Variants in CMIP observed in about 807,000 individuals in gnomAD.
The protein encoded by CMIP is c-Maf inducing protein, also known as C-Maf-inducing protein.
In CMIP, 13 loss-of-function variants were observed where a neutral mutation model predicts 97.3. The ratio of observed to expected loss-of-function variants is 0.13; its 90% CI spans 0.09 to 0.21. The LOEUF (loss-of-function observed/expected upper bound fraction) is 0.21, where lower values mean the gene tolerates loss of function less well. CMIP is among the 10% of genes least tolerant of loss of function. The pLI, the probability that CMIP is intolerant of heterozygous loss-of-function variation, is 1.00. For synonymous variants in CMIP, 538 were observed against 436.3 expected (o/e 1.23, Z -2.91); for missense variants, 847 against 1,024.9 (o/e 0.83, Z 2.37).
At chr16:81,456,715 T>C (rs1385397381) in intron 1 of CMIP, among the ~76,000 whole-genome samples, 2 of 152,074 alleles carry the variant, frequency 1.3e-5, no homozygotes, top group East Asian at 1.9e-4. Context: ...GGCTCCAGAG[T>C]ATCACTGCCT....
At chr16:81,449,596 C>A (rs1906079012) in intron 1 of CMIP, among the ~76,000 whole-genome samples, 1 of 151,956 alleles carries the variant, frequency 6.6e-6, no homozygotes, top group Non-Finnish European at 1.5e-5. Context: ...TGTTACATAC[C>A]CCCCTTCCCC....
intron 9 of CMIP, among the ~76,000 whole-genome samples, chr16:81,673,466 A>G (rs1216565071): frequency 6.6e-6 from 1 of 152,164 alleles, no homozygotes; most frequent in Non-Finnish European, 1.5e-5. Flanking sequence ...CAGTGAGCCA[A>G]GATCACACCA....
Position 81,568,247 on chromosome 16 carries a change from C to G in CMIP, c.301-39320C>G, listed in dbSNP as rs1273225325. ...TCCAGGGGGAGAGGGACCCTCTGGC[C>G]TCACCCTTGGCTCTGACCTCAGTGC... On this transcript the variant is annotated intron_variant, in intron 1 of 20. Coordinates refer to ENST00000537098, the MANE Select transcript of CMIP (RefSeq NM_198390.3). Among the ~76,000 whole-genome samples, 3 of 152,038 alleles carry G rather than the reference C, an allele frequency of 2.0e-5. No homozygotes were observed. The East Asian group carries it at 5.8e-4, about 29-fold the overall frequency.
intron 1 of CMIP, among the ~76,000 whole-genome samples, chr16:81,469,988 C>T (rs949749591): frequency 6.6e-6 from 1 of 152,172 alleles, no homozygotes; most frequent in African/African-American, 2.4e-5. Flanking sequence ...TCAGTGATCT[C>T]CTGCATTTCC....
intron 3 of CMIP, among the ~76,000 whole-genome samples, chr16:81,628,152 C>T (rs1333061798): frequency 6.6e-6 from 1 of 152,120 alleles, no homozygotes; most frequent in East Asian, 1.9e-4. Context: ...TGGACCGGGC[C>T]TCCAGTAGGG....
chr16:81,606,885 C>T (rs79876910), intron 1 of CMIP: 3,199 of 155,042 alleles, frequency 0.021, 111 homozygotes, highest in African/African-American at 0.073. Flanking sequence ...AGCGCAGATG[C>T]CAGGGGTGGG....
chr16:81,478,602 C>A (rs752286503), intron 1 of CMIP, among the ~76,000 whole-genome samples: 1 of 152,120 alleles, frequency 6.6e-6, no homozygotes, highest in Non-Finnish European at 1.5e-5. Flanking sequence ...TGTGTGGTCC[C>A]CTCCACCCTC....
At chr16:81,600,052 G>A (rs1482659974) in intron 1 of CMIP, among the ~76,000 whole-genome samples, 1 of 151,750 alleles carries the variant, frequency 6.6e-6, no homozygotes, top group Non-Finnish European at 1.5e-5. Flanking sequence ...AGGCAGAGGT[G>A]GGTGGATCAC....
intron 1 of CMIP, among the ~76,000 whole-genome samples, chr16:81,447,078 C>T (rs1216363511): frequency 1.3e-5 from 2 of 152,138 alleles, no homozygotes; most frequent in African/African-American, 4.8e-5. Context: ...ATTTGGCTTT[C>T]CAATGGATGG....
rs113999800 is a variant in CMIP at position 81,634,081 on chromosome 16, T to C, written c.477+13155T>C. On this transcript the variant is annotated intron_variant, in intron 3 of 20. Transcript: ENST00000537098. ...CAGTATCTGCATCACCTGGGAACTCTCTAGAAATGCCAGTCTTCAGTTTCA... is the reference window on the plus strand; with the variant it reads ...CAGTATCTGCATCACCTGGGAACTCCCTAGAAATGCCAGTCTTCAGTTTCA... 4.1e-3 allele frequency among the ~76,000 whole-genome samples: 617 copies of C among 152,328 alleles called. 3 individuals carry two copies. The highest frequency in any genetic ancestry group is 0.014 in the African/African-American group (581 of 41,574).
At chr16:81,476,489 CG>C in intron 1 of CMIP, 1 of 735,762 alleles carries the variant, frequency 1.4e-6, no homozygotes, top group Non-Finnish European at 2.5e-6. Flanking sequence ...CCGTTGACAG[CG>C]ATGTCAGAGA....
Position 81,616,207 on chromosome 16 carries a change from C to G in CMIP, c.427-4669C>G, listed in dbSNP as rs2091916110. Among the ~76,000 whole-genome samples the G allele has an allele frequency of 1.3e-5, 2 of 149,650 alleles. No homozygotes were observed. Among genetic ancestry groups the G allele is most frequent in the South Asian group, 2.1e-4 (1 of 4,758 alleles). ...CTCACTGGAGCAGTCGCAGTTAATCCTACGTGGATCCTGCCTCCTCTCCCA... is the reference window on the plus strand; with the variant it reads ...CTCACTGGAGCAGTCGCAGTTAATCGTACGTGGATCCTGCCTCCTCTCCCA... On this transcript the variant is annotated intron_variant, in intron 2 of 20. Transcript: ENST00000537098. This position sits in a 1 kb window ranked among gnomAD's most constrained non-coding sequence, Gnocchi z 4.7.
chr16:81,579,818 T>C (rs1374168313), intron 1 of CMIP, among the ~76,000 whole-genome samples: 1 of 152,094 alleles, frequency 6.6e-6, no homozygotes, highest in African/African-American at 2.4e-5. Flanking sequence ...TAGCTGGGCG[T>C]GGTGGCGGAC....
At chr16:81,625,613 G>C (rs1261445024) in intron 3 of CMIP, among the ~76,000 whole-genome samples, 2 of 152,242 alleles carry the variant, frequency 1.3e-5, no homozygotes, top group Non-Finnish European at 2.9e-5. Flanking sequence ...GCCTGTTTCT[G>C]TGTCCAGGGT....
Position 81,687,541 on chromosome 16 carries a change from C to A in CMIP, c.1389-4234C>A, listed in dbSNP as rs562453070. 2.3e-4 allele frequency among the ~76,000 whole-genome samples: 35 copies of A among 152,246 alleles called. 1 individual carries two copies. In the South Asian group the frequency reaches 7.3e-3, roughly 32 times the overall value. On this transcript the variant is annotated intron_variant, in intron 10 of 20. Coordinates refer to ENST00000537098, the MANE Select transcript of CMIP (RefSeq NM_198390.3). ...AGTGCAGGTGCTGGGGCCGAGAGGA[C>A]GGGTCATGGTCTTTGAAGCACCTGA...
rs900415477 is a variant in CMIP at position 81,580,609 on chromosome 16, C to T, written c.301-26958C>T. ...TGCCACCACACCCAGCTAATTTTTGCATTTTTAGTAGAGACAGGGTTTTGC... is the reference window on the plus strand; with the variant it reads ...TGCCACCACACCCAGCTAATTTTTGTATTTTTAGTAGAGACAGGGTTTTGC... On this transcript the variant is annotated intron_variant, in intron 1 of 20. Coordinates refer to ENST00000537098, the MANE Select transcript of CMIP (RefSeq NM_198390.3). Among the ~76,000 whole-genome samples, 6 of 151,948 alleles carry T rather than the reference C, an allele frequency of 3.9e-5. No homozygotes were observed. The East Asian group carries it at 5.9e-4, about 15-fold the overall frequency.
At chr16:81,577,023 TATCACCATCACCATC>T (rs2091200798) in intron 1 of CMIP, among the ~76,000 whole-genome samples, 1 of 145,114 alleles carries the variant, frequency 6.9e-6, no homozygotes, top group Non-Finnish European at 1.5e-5. Flanking sequence ...TTATTATCAC[TATCACCATCACCATC>T]ATCACCATCA....
intron 5 of CMIP, among the ~76,000 whole-genome samples, chr16:81,659,267 C>T (rs932602562): frequency 2.6e-5 from 4 of 152,156 alleles, no homozygotes; most frequent in Non-Finnish European, 5.9e-5. Flanking sequence ...GACTTGAGGC[C>T]TGCCATTGAG....
At chr16:81,645,914 G>T in intron 3 of CMIP, 1 of 451,718 alleles carries the variant, frequency 2.2e-6, no homozygotes. Flanking sequence ...AAGGAAACTG[G>T]TGCAAGTAAT....
Sources: allele counts gnomAD v4.1 joint callset (sites outside exome capture counted in the v4.1 genomes callset), GRCh38; gene constraint gnomAD v4.1.1; non-coding constraint Gnocchi (gnomAD v3.1); transcripts MANE v1.5; gene names NCBI Gene and HGNC (gene_info 2026-07-23, HGNC 2026-07-21).